Variants in CSMD1 observed in about 807,000 individuals in gnomAD.
CSMD1 encodes CUB and Sushi multiple domains 1.
Under a neutral mutation model 417.5 loss-of-function variants are expected in CSMD1, and 213 were observed. The ratio of observed to expected loss-of-function variants is 0.51; its 90% CI spans 0.46 to 0.57. The LOEUF (loss-of-function observed/expected upper bound fraction) is 0.57, where lower values mean the gene tolerates loss of function less well. Ranked by LOEUF, CSMD1 falls within the 20% of genes least tolerant of loss-of-function variation. The probability of loss-of-function intolerance (pLI) is 0.00; values close to 1 mark genes in which losing one functional copy is unlikely to be tolerated. For synonymous variants in CSMD1, 2,862 were observed against 1,736.8 expected, an observed-to-expected ratio of 1.65 and a Z score of -16.11; for missense variants, 6,923 against 4,529.7, an observed-to-expected ratio of 1.53 and a Z score of -15.17.
chr8:3,391,195 C>T (rs1563339532), intron 17 of CSMD1, among the ~76,000 whole-genome samples: 1 of 152,014 alleles, frequency 6.6e-6, no homozygotes, highest in South Asian at 2.1e-4. Flanking sequence ...GTGGTGTGCA[C>T]GCACATATAA....
intron 5 of CSMD1, among the ~76,000 whole-genome samples, chr8:3,952,373 A>G (rs1306365731): frequency 6.6e-6 from 1 of 152,220 alleles, no homozygotes; most frequent in Non-Finnish European, 1.5e-5. Flanking sequence ...AACATAAAAT[A>G]GATTTAATTC....
chr8:4,883,312 C>T (rs986755385), intron 1 of CSMD1, among the ~76,000 whole-genome samples: 2 of 151,894 alleles, frequency 1.3e-5, no homozygotes, highest in Admixed American at 1.3e-4. Flanking sequence ...GTATATAATA[C>T]CTCTATTTGG....
chr8:4,301,072 A>G (rs915368825), intron 3 of CSMD1, among the ~76,000 whole-genome samples: 2 of 152,298 alleles, frequency 1.3e-5, no homozygotes, highest in Non-Finnish European at 2.9e-5. Context: ...TCAGGACTGT[A>G]AAGTGGATGC....
rs139711779 is a variant in CSMD1 at position 4,075,427 on chromosome 8, A to T, written c.416-43328T>A. Among the ~76,000 whole-genome samples the T allele has an allele frequency of 4.2e-3, 647 of 152,278 alleles. 6 individuals are homozygous for T. Among genetic ancestry groups the T allele is most frequent in the African/African-American group, 0.015 (608 of 41,560 alleles). On this transcript the variant is annotated intron_variant, in intron 3 of 69. Coordinates refer to ENST00000635120, the MANE Select transcript of CSMD1 (RefSeq NM_033225.6). ...TATTTTTAATATCAAAATAAATTTT[A>T]TATCTGCTAATACTAATGTAAATGT...
intron 3 of CSMD1, among the ~76,000 whole-genome samples, chr8:4,122,548 C>G (rs1421224064): frequency 6.6e-6 from 1 of 152,144 alleles, no homozygotes; most frequent in East Asian, 1.9e-4. Context: ...CTGCCAGTCA[C>G]CCCGTGCTTT....
chr8:4,081,769 C>A (rs1157458178), intron 3 of CSMD1, among the ~76,000 whole-genome samples: 1 of 152,088 alleles, frequency 6.6e-6, no homozygotes, highest in Admixed American at 6.5e-5. Context: ...CCCCAAATAT[C>A]TGGAAACCAA....
intron 2 of CSMD1, among the ~76,000 whole-genome samples, chr8:4,477,412 G>A (rs890215666): frequency 2.0e-5 from 3 of 152,324 alleles, no homozygotes; most frequent in African/African-American, 7.2e-5. Flanking sequence ...ACTTGGTGCT[G>A]AGCAAAATTG....
chr8:4,051,443 G>A lies in CSMD1; in HGVS notation c.416-19344C>T, dbSNP rs73185941. Among the ~76,000 whole-genome samples, 1,163 of 152,122 alleles carry A rather than the reference G, an allele frequency of 7.6e-3. 11 individuals carry two copies. The highest frequency in any genetic ancestry group is 0.029 in the South Asian group (141 of 4,806). On this transcript the variant is annotated intron_variant, in intron 3 of 69. Transcript: ENST00000635120. ...AGACCGCAAGGTTGAAAACGCTTTG[G>A]CAGAATTCAAAGCGCCCTACACGTA... is the stretch of plus-strand genomic sequence containing the variant.
intron 2 of CSMD1, among the ~76,000 whole-genome samples, chr8:4,578,813 C>CA (rs754048973): frequency 0.35 from 28,443 of 81,088 alleles, 4,856 homozygotes; most frequent in African/African-American, 0.54. Flanking sequence ...GACTCCACCT[C>CA]AAAAAAAAAA....
At chr8:4,413,801 C>G (rs1187319839) in intron 3 of CSMD1, among the ~76,000 whole-genome samples, 1 of 152,040 alleles carries the variant, frequency 6.6e-6, no homozygotes, top group Non-Finnish European at 1.5e-5. Flanking sequence ...GGCAACTAAG[C>G]CTAGAGATAA....
At chr8:4,936,955 A>C (rs1012120002) in intron 1 of CSMD1, among the ~76,000 whole-genome samples, 8 of 152,178 alleles carry the variant, frequency 5.3e-5, no homozygotes, top group Non-Finnish European at 8.8e-5. Flanking sequence ...TCATACCTAT[A>C]ACCCTAGCAC....
chr8:4,120,341 AAGATT>A (rs141136444), intron 3 of CSMD1, among the ~76,000 whole-genome samples: 148 of 152,332 alleles, frequency 9.7e-4, no homozygotes, highest in African/African-American at 3.4e-3. Context: ...GCTATAAGAT[AAGATT>A]ATTTTATAAA....
intron 10 of CSMD1, among the ~76,000 whole-genome samples, chr8:3,553,966 T>G (rs1799029384): frequency 6.6e-6 from 1 of 152,150 alleles, no homozygotes; most frequent in South Asian, 2.1e-4. Context: ...GTACATTAGG[T>G]GATGGAATTA....
At chr8:3,338,795 T>A (rs530870577) in intron 23 of CSMD1, among the ~76,000 whole-genome samples, 1 of 151,874 alleles carries the variant, frequency 6.6e-6, no homozygotes, top group African/African-American at 2.4e-5. Flanking sequence ...GATCCAGCTG[T>A]TCATCTCCAG....
intron 3 of CSMD1, among the ~76,000 whole-genome samples, chr8:4,303,500 CATCTCTAGCACGTCT>C (rs1563419846): frequency 1.5e-4 from 20 of 133,870 alleles, no homozygotes; most frequent in Admixed American, 1.3e-3. Context: ...ATCTCCTTAC[CATCTCTAGCACGTCT>C]ATATTCAAAG....
intron 3 of CSMD1, among the ~76,000 whole-genome samples, chr8:4,335,723 G>C (rs1349676055): frequency 1.3e-5 from 2 of 152,162 alleles, no homozygotes; most frequent in African/African-American, 4.8e-5. Flanking sequence ...ATAACAAATA[G>C]TGTACCTTAA....
At chr8:4,993,024 T>TC (rs1342565829) in intron 1 of CSMD1, among the ~76,000 whole-genome samples, 2 of 152,040 alleles carry the variant, frequency 1.3e-5, no homozygotes, top group Non-Finnish European at 2.9e-5. Context: ...GGCACGTCTC[T>TC]CCCCCGCTCT....
At chr8:3,179,135 C>A (rs1446155850) in intron 37 of CSMD1, among the ~76,000 whole-genome samples, 1 of 150,932 alleles carries the variant, frequency 6.6e-6, no homozygotes, top group Non-Finnish European at 1.5e-5. Flanking sequence ...TTAGTAGATA[C>A]GGGGTTTCAA....
chr8:3,747,935 C>T (rs1373624857), intron 6 of CSMD1, among the ~76,000 whole-genome samples: 3 of 152,090 alleles, frequency 2.0e-5, no homozygotes, highest in Non-Finnish European at 4.4e-5. Flanking sequence ...CTAGAAAAAA[C>T]CCTTGTCCCA....
Sources: gnomAD v4.1 joint callset for allele counts (sites outside exome capture counted in the v4.1 genomes callset) on GRCh38, gnomAD v4.1.1 for gene constraint, MANE v1.5 for transcripts, NCBI Gene and HGNC (gene_info 2026-07-23, HGNC 2026-07-21) for gene names.